DENND5B: variants seen among roughly 807,000 people sequenced by gnomAD.
DENND5B encodes DENN domain containing 5B.
A neutral mutation model predicts 140.6 loss-of-function variants in DENND5B; 34 were observed. The observed-to-expected ratio is 0.24, with a 90% CI of 0.18 to 0.32. DENND5B has a LOEUF of 0.32. Among genes scored for constraint, DENND5B ranks in the 10% least tolerant of loss-of-function variants. The pLI, the probability that DENND5B is intolerant of heterozygous loss-of-function variation, is 1.00. For missense variants in DENND5B, 1,142 were observed against 1,560.2 expected (o/e 0.73, Z 4.52); for synonymous variants, 551 against 562.1 (o/e 0.98, Z 0.28).
intron 1 of DENND5B, among the ~76,000 whole-genome samples, chr12:31,574,291 T>TAATAATAATAATAATAATAAG: frequency 6.9e-6 from 1 of 145,276 alleles, no homozygotes; most frequent in African/African-American, 2.5e-5. Context: ...ATAATAATAA[T>TAATAATAATAATAATAATAAG]AATAATTTAA....
At chr12:31,432,108 C>T (rs1943535490) in intron 8 of DENND5B, 1 of 985,034 alleles carries the variant, frequency 1.0e-6, no homozygotes, top group Non-Finnish European at 1.2e-6. Flanking sequence ...TGGTCCCACT[C>T]CCAGAATGCC....
chr12:31,588,904 C>CA (rs1252367346), intron 1 of DENND5B, among the ~76,000 whole-genome samples: 1 of 152,208 alleles, frequency 6.6e-6, no homozygotes, highest in African/African-American at 2.4e-5. Flanking sequence ...TACCTGAATA[C>CA]ATTAAATATT....
chr12:31,421,550 TAA>T (rs10542553), intron 11 of DENND5B, among the ~76,000 whole-genome samples: 57,796 of 151,520 alleles, frequency 0.38, 11,803 homozygotes, highest in East Asian at 0.57. Flanking sequence ...CATATTCCTA[TAA>T]ATATACATCT....
chr12:31,444,177 A>G (rs546737161), intron 6 of DENND5B: 1 of 152,376 alleles, frequency 6.6e-6, no homozygotes, highest in East Asian at 1.9e-4. Flanking sequence ...AACAGAACAC[A>G]CTGTGGGAGC....
chr12:31,533,236 T>C (rs147309812), intron 1 of DENND5B, among the ~76,000 whole-genome samples: 20 of 152,136 alleles, frequency 1.3e-4, no homozygotes, highest in African/African-American at 1.7e-4. Context: ...CAACTGTGGA[T>C]TGAAAATATT....
At chr12:31,527,463 A>C (rs944242120) in intron 1 of DENND5B, among the ~76,000 whole-genome samples, 6 of 152,214 alleles carry the variant, frequency 3.9e-5, no homozygotes, top group Non-Finnish European at 8.8e-5. Flanking sequence ...AGACTTTCAA[A>C]CAGAGGAATG....
intron 1 of DENND5B, among the ~76,000 whole-genome samples, chr12:31,586,001 T>A (rs1316886987): frequency 2.0e-5 from 3 of 152,206 alleles, no homozygotes; most frequent in Non-Finnish European, 4.4e-5. Context: ...CTGTGTACTG[T>A]ATATAAGGTA....
At position 31,383,523 on chromosome 12, in the gene DENND5B, T is replaced by C. The variant is rs1384128465; in HGVS notation, c.*4080A>G. 2 of 152,204 alleles carry C rather than the reference T, an allele frequency of 1.3e-5. No individual in the cohort carries two copies. Among genetic ancestry groups the C allele is most frequent in the Non-Finnish European group, 2.9e-5 (2 of 68,038 alleles). 9.4% of individuals were successfully genotyped at this position (152,204 alleles called of 1,614,324 possible). On this transcript the variant is annotated 3_prime_UTR_variant, in exon 21 of 21. Coordinates refer to ENST00000389082, the MANE Select transcript of DENND5B (RefSeq NM_144973.4). Reference sequence around the variant, plus strand: ...CATGTGAAAGTAAATACCACAAGGTTACAAAAGGTACAAAAATGTGTGAAA... The same window carrying C: ...CATGTGAAAGTAAATACCACAAGGTCACAAAAGGTACAAAAATGTGTGAAA...
At chr12:31,480,383 T>C in intron 2 of DENND5B, 128 bp from the exon 3 acceptor site, 1 of 826,336 alleles carries the variant, frequency 1.2e-6, no homozygotes, top group East Asian at 2.8e-5. Flanking sequence ...ATATTCGCAA[T>C]AGCCTTAAAT....
intron 1 of DENND5B, among the ~76,000 whole-genome samples, chr12:31,548,084 A>T (rs1272372746): frequency 6.6e-6 from 1 of 152,136 alleles, no homozygotes; most frequent in Non-Finnish European, 1.5e-5. Context: ...TAAACTTAAC[A>T]TCTAATATAG....
At chr12:31,520,536 A>G (rs1947836753) in intron 1 of DENND5B, among the ~76,000 whole-genome samples, 1 of 152,118 alleles carries the variant, frequency 6.6e-6, no homozygotes, top group Non-Finnish European at 1.5e-5. Flanking sequence ...AAATTTTTCT[A>G]GTAGCTACTT....
At chr12:31,569,895 T>A (rs1352394348) in intron 1 of DENND5B, among the ~76,000 whole-genome samples, 1 of 151,826 alleles carries the variant, frequency 6.6e-6, no homozygotes, top group Non-Finnish European at 1.5e-5. Context: ...CAACTCATTC[T>A]AAAAAATTAC....
chr12:31,401,493 G>A (rs924406031), intron 15 of DENND5B, among the ~76,000 whole-genome samples: 1 of 152,086 alleles, frequency 6.6e-6, no homozygotes, highest in Non-Finnish European at 1.5e-5. Flanking sequence ...CATTCAGTTC[G>A]TACCATTTCC....
At chr12:31,460,885 C>G (rs1944985462) in intron 3 of DENND5B, among the ~76,000 whole-genome samples, 1 of 152,040 alleles carries the variant, frequency 6.6e-6, no homozygotes, top group Non-Finnish European at 1.5e-5. Flanking sequence ...ACCACCACAC[C>G]AGGCTAATTT....
intron 1 of DENND5B, among the ~76,000 whole-genome samples, chr12:31,523,608 A>G (rs1223284558): frequency 7.3e-6 from 1 of 136,556 alleles, no homozygotes; most frequent in Non-Finnish European, 1.6e-5. Context: ...GCTTTTCCTC[A>G]AAAAAAAAAA....
intron 15 of DENND5B, among the ~76,000 whole-genome samples, chr12:31,402,225 T>C (rs1057456378): frequency 6.6e-6 from 1 of 150,722 alleles, no homozygotes; most frequent in Non-Finnish European, 1.5e-5. Context: ...TGCTAGAATC[T>C]GTGCTAGACC....
At chr12:31,493,621 G>T (rs1946617933) in intron 2 of DENND5B, among the ~76,000 whole-genome samples, 1 of 152,132 alleles carries the variant, frequency 6.6e-6, no homozygotes, top group African/African-American at 2.4e-5. Context: ...CTTGAGGTCA[G>T]GAGTTCAACA....
At chr12:31,543,830 ACT>A (rs1436661601) in intron 1 of DENND5B, among the ~76,000 whole-genome samples, 1 of 152,178 alleles carries the variant, frequency 6.6e-6, no homozygotes, top group Non-Finnish European at 1.5e-5. Flanking sequence ...ATCTCTATCT[ACT>A]CTCTATCCAT....
intron 2 of DENND5B, among the ~76,000 whole-genome samples, chr12:31,482,341 T>C (rs1430421762): frequency 2.6e-5 from 4 of 152,216 alleles, no homozygotes; most frequent in Non-Finnish European, 4.4e-5. Context: ...AGATGTCTAA[T>C]AGGCAACTCA....
Sources: allele counts gnomAD v4.1 joint callset (sites outside exome capture counted in the v4.1 genomes callset), GRCh38; gene constraint gnomAD v4.1.1; transcripts MANE v1.5; gene names NCBI Gene and HGNC (gene_info 2026-07-23, HGNC 2026-07-21).